Variants in ZNF423 observed in about 807,000 individuals in gnomAD.
ZNF423 encodes zinc finger protein 423.
Under a neutral mutation model 95.8 loss-of-function variants are expected in ZNF423, and 12 were observed. The ratio of observed to expected loss-of-function variants is 0.13; its 90% confidence interval spans 0.08 to 0.20. The LOEUF (loss-of-function observed/expected upper bound fraction) is 0.20. ZNF423 is among the 10% of genes least tolerant of loss of function. ZNF423 has a pLI of 1.00. For synonymous variants in ZNF423, 749 were observed against 711.9 expected, an observed-to-expected ratio of 1.05 and a Z score of -0.83; for missense variants, 1,316 against 1,737.1, an observed-to-expected ratio of 0.76 and a Z score of 4.31.
At chr16:49,677,657 C>T (rs2031171953) in intron 3 of ZNF423, among the ~76,000 whole-genome samples, 1 of 149,484 alleles carries the variant, frequency 6.7e-6, no homozygotes, top group Non-Finnish European at 1.5e-5. Flanking sequence ...GGGAGGCTGA[C>T]GTGGGAGGAT....
chr16:49,829,557 C>G (rs2035040609), intron 1 of ZNF423, among the ~76,000 whole-genome samples: 1 of 152,196 alleles, frequency 6.6e-6, no homozygotes, highest in Admixed American at 6.5e-5. Context: ...CCATGTTGCC[C>G]CCTGGCTTCA....
intron 2 of ZNF423, among the ~76,000 whole-genome samples, chr16:49,753,124 G>A (rs534622301): frequency 4.7e-5 from 7 of 149,690 alleles, no homozygotes; most frequent in Middle Eastern, 3.5e-3. Flanking sequence ...TGAGCCTGTA[G>A]TCCCAGCTAC....
intron 5 of ZNF423, among the ~76,000 whole-genome samples, chr16:49,553,382 T>C (rs1337865230): frequency 6.6e-6 from 1 of 152,208 alleles, no homozygotes; most frequent in Non-Finnish European, 1.5e-5. Context: ...GGTCTTGCTC[T>C]GCCACATAGG....
chr16:49,765,208 G>GT (rs554228379), intron 2 of ZNF423, among the ~76,000 whole-genome samples: 13 of 152,240 alleles, frequency 8.5e-5, no homozygotes, highest in Non-Finnish European at 1.5e-4. Flanking sequence ...AAAAAACTGA[G>GT]TAGAACAGTG....
chr16:49,824,880 G>A (rs960503406), intron 1 of ZNF423, among the ~76,000 whole-genome samples: 3 of 152,186 alleles, frequency 2.0e-5, no homozygotes, highest in Non-Finnish European at 4.4e-5. Context: ...CCACCCACCA[G>A]CAGCTGCCCT....
At chr16:49,845,054 A>AAAAC (rs1463321346) in intron 1 of ZNF423, among the ~76,000 whole-genome samples, 2 of 141,836 alleles carry the variant, frequency 1.4e-5, no homozygotes, top group African/African-American at 5.0e-5. Context: ...AAAAAAAAAA[A>AAAAC]AAAAAAAAAC....
At position 49,636,503 on chromosome 16, in the gene ZNF423, C is replaced by T. The variant is rs761948812; in HGVS notation, c.2673G>A (p.Glu891=). 10 of 1,613,786 alleles carry T rather than the reference C, an allele frequency of 6.2e-6. No homozygotes were observed. Among genetic ancestry groups the T allele is most frequent in the Non-Finnish European group, 7.6e-6 (9 of 1,180,026 alleles). ...EASEDDVDAS[E]PMYGCDICGA... ...CACAGATGTCACAGCCGTACATGGG[C>T]TCCGACGCGTCCACGTCATCCTCGC... is the stretch of plus-strand genomic sequence containing the variant. Residue 891 remains glutamate (E), a synonymous_variant, in exon 4 of 8, where the codon GAG becomes GAA. Coordinates refer to ENST00000563137, the MANE Select transcript of ZNF423 (RefSeq NM_001379286.1). The surrounding 1 kb of genome is among the most constrained non-coding windows in gnomAD (Gnocchi z 8.6).
At chr16:49,645,928 A>G (rs1973155363) in intron 3 of ZNF423, among the ~76,000 whole-genome samples, 1 of 152,194 alleles carries the variant, frequency 6.6e-6, no homozygotes, top group African/African-American at 2.4e-5. Context: ...CATGATTGTT[A>G]GTTTCCTGAG....
chr16:49,788,455 C>T (rs8054352), intron 2 of ZNF423, among the ~76,000 whole-genome samples: 152,335 of 152,398 alleles, frequency 1, 76,136 homozygotes, highest in Middle Eastern at 1. Flanking sequence ...GTCTATAATA[C>T]CACACATTAG....
intron 5 of ZNF423, among the ~76,000 whole-genome samples, chr16:49,564,808 G>A (rs576269940): frequency 1.9e-4 from 29 of 152,254 alleles, no homozygotes; most frequent in Admixed American, 4.6e-4. Flanking sequence ...TTGGTCCCCC[G>A]CCAGCAACAG....
chr16:49,537,588 G>A (rs13331867), intron 5 of ZNF423, among the ~76,000 whole-genome samples: 6,046 of 152,242 alleles, frequency 0.04, 432 homozygotes, highest in African/African-American at 0.14. Flanking sequence ...CTGGGGAAGC[G>A]GGTCTTTCTT....
chr16:49,548,376 T>C (rs1156463548), intron 5 of ZNF423, among the ~76,000 whole-genome samples: 1 of 152,216 alleles, frequency 6.6e-6, no homozygotes, highest in East Asian at 1.9e-4. Context: ...ACAGTTTATA[T>C]ATTTATGCTA....
At chr16:49,825,346 C>G (rs888021162) in intron 1 of ZNF423, among the ~76,000 whole-genome samples, 26 of 152,094 alleles carry the variant, frequency 1.7e-4, no homozygotes. Flanking sequence ...CATACACACA[C>G]CCTAAAAAGA....
chr16:49,822,667 C>T, intron 1 of ZNF423: 2 of 1,610,792 alleles, frequency 1.2e-6, no homozygotes, highest in Non-Finnish European at 1.7e-6. Context: ...CTCCCCTGCT[C>T]ACCCCTCTTC....
At position 49,664,378 on chromosome 16, in the gene ZNF423, A is replaced by G. The variant is rs571639730; in HGVS notation, c.302-25504T>C. The stretch of plus-strand genomic sequence containing the variant: ...GGAAGAAAAGGGGCTGGGAAAAGGC[A>G]CAGATGGGGAGGGAGAGGACAGAGG... On this transcript the variant is annotated intron_variant, in intron 3 of 7. Coordinates refer to ENST00000563137, the MANE Select transcript of ZNF423 (RefSeq NM_001379286.1). 37 of 777,748 alleles carry G rather than the reference A, an allele frequency of 4.8e-5. No individual in the cohort carries two copies. In the Admixed American group the frequency reaches 1.6e-3, roughly 34 times the overall value. 48.2% of individuals were successfully genotyped at this position (777,748 alleles called of 1,614,324 possible).
chr16:49,616,188 G>A lies in ZNF423; in HGVS notation c.3601+9982C>T, dbSNP rs118109383. ...AGAAAGAAAAATAACTTGGAACTGG[G>A]GGACATTATGTTAAGTGGAATAAGT... On this transcript the variant is annotated intron_variant, in intron 5 of 7. Transcript: ENST00000563137. Among the ~76,000 whole-genome samples the A allele has an allele frequency of 1.3e-3, 203 of 152,198 alleles. 3 individuals carry two copies. The East Asian group carries it at 0.033, about 25-fold the overall frequency.
chr16:49,528,900 C>T (rs1968731313), intron 5 of ZNF423, among the ~76,000 whole-genome samples: 1 of 152,050 alleles, frequency 6.6e-6, no homozygotes, highest in Non-Finnish European at 1.5e-5. Flanking sequence ...TCACTCTCAC[C>T]CCGCAGGCGC....
chr16:49,524,806 G>C (rs1016627447), intron 6 of ZNF423, among the ~76,000 whole-genome samples: 2 of 152,220 alleles, frequency 1.3e-5, no homozygotes, highest in African/African-American at 4.8e-5. Flanking sequence ...GGCAGCAGGA[G>C]GGGGCCGGCA....
At chr16:49,842,365 A>G (rs1338283361) in intron 1 of ZNF423, among the ~76,000 whole-genome samples, 1 of 46,176 alleles carries the variant, frequency 2.2e-5, no homozygotes, top group Non-Finnish European at 4.2e-5. Flanking sequence ...AGGGAGAGAG[A>G]CAGGAAGGAA....
Sources: gnomAD v4.1 joint callset for allele counts (sites outside exome capture counted in the v4.1 genomes callset) on GRCh38, gnomAD v4.1.1 for gene constraint, Gnocchi (gnomAD v3.1) non-coding constraint, MANE v1.5 for transcripts, NCBI Gene and HGNC (gene_info 2026-07-23, HGNC 2026-07-21) for gene names.